Variants in MOV10 observed in about 807,000 individuals in gnomAD.
The protein encoded by MOV10 is RNA helicase MOV-10.
MOV10 carries 39 observed loss-of-function variants against 108.4 expected under a neutral mutation model. The observed-to-expected ratio is 0.36, with a 90% CI of 0.28 to 0.47. MOV10 has a LOEUF of 0.47. MOV10 is among the 20% of genes least tolerant of loss of function. The probability of loss-of-function intolerance (pLI) is 1.00; values close to 1 mark genes in which losing one functional copy is unlikely to be tolerated. For missense variants in MOV10, 952 were observed against 1,297.6 expected, an observed-to-expected ratio of 0.73 and a Z score of 4.09; for synonymous variants, 490 against 523.1, an observed-to-expected ratio of 0.94 and a Z score of 0.86.
intron 2 of MOV10, among the ~76,000 whole-genome samples, chr1:112,677,093 A>T (rs1672254132): frequency 6.6e-6 from 1 of 152,166 alleles, no homozygotes; most frequent in Non-Finnish European, 1.5e-5. Flanking sequence ...AGGGGATGTG[A>T]TGGAGAAGAT....
chr1:112,697,347 G>C (rs552140840), intron 14 of MOV10, among the ~76,000 whole-genome samples: 1 of 152,122 alleles, frequency 6.6e-6, no homozygotes, highest in African/African-American at 2.4e-5. Flanking sequence ...ACAGGCACCT[G>C]TAATTCCAGT....
chr1:112,675,866 C>T lies in MOV10; in HGVS notation c.137+817C>T, dbSNP rs1672163315. Among the ~76,000 whole-genome samples, 1 of 152,172 alleles carries T rather than the reference C, an allele frequency of 6.6e-6. No homozygotes were observed. The highest frequency in any genetic ancestry group is 1.9e-4 in the East Asian group (1 of 5,196). ...ACAAGGGTAAACGTAAAGACTTGTACAAATAAACATAAGGTAGTGGGAATC... is the reference window on the plus strand; with the variant it reads ...ACAAGGGTAAACGTAAAGACTTGTATAAATAAACATAAGGTAGTGGGAATC... On this transcript the variant is annotated intron_variant, in intron 2 of 20. Transcript: ENST00000369645. The surrounding 1 kb of genome is among the most constrained non-coding windows in gnomAD (Gnocchi z 4.7).
chr1:112,689,286 T>C (rs1277121464), intron 3 of MOV10, 129 bp from the exon 4 acceptor site: 7 of 1,207,180 alleles, frequency 5.8e-6, no homozygotes, highest in Admixed American at 4.1e-5. Context: ...ACTGGTCTGC[T>C]GGGAGGGGGT....
intron 2 of MOV10, among the ~76,000 whole-genome samples, chr1:112,681,219 C>A (rs1672624901): frequency 6.6e-6 from 1 of 151,990 alleles, no homozygotes; most frequent in Non-Finnish European, 1.5e-5. Flanking sequence ...TGGCCGGGCT[C>A]AGTGGCTCAA....
Position 112,694,289 on chromosome 1 carries a change from C to T in MOV10, c.1295+117C>T. 2 of 1,435,182 alleles carry T rather than the reference C, an allele frequency of 1.4e-6. No individual in the cohort carries two copies. Among genetic ancestry groups the T allele is most frequent in the Non-Finnish European group, 1.9e-6 (2 of 1,034,392 alleles). The allele number at this position is 1,435,182 out of a possible 1,614,324, so 88.9% of individuals were successfully genotyped here. A position where few individuals can be genotyped will look rare whatever the true frequency, so the allele number is the denominator to read the frequency against. ...CCCCGGGGCAGAGCAGGAGACTTTT[C>T]CTCAGGGGTACCCTGAGATGCTACG... is the stretch of plus-strand genomic sequence containing the variant. On this transcript the variant is annotated intron_variant, in intron 8 of 20. Transcript: ENST00000369645. This position sits in a 1 kb window ranked among gnomAD's most constrained non-coding sequence, Gnocchi z 4.1.
At chr1:112,697,973 T>C in intron 14 of MOV10, 21 bp from the exon 15 acceptor site, 1 of 1,605,514 alleles carries the variant, frequency 6.2e-7, no homozygotes, top group Non-Finnish European at 8.5e-7. Flanking sequence ...TGGTCTTGCT[T>C]TTCCTCCTCC....
chr1:112,674,952 G>A lies in MOV10; in HGVS notation c.40G>A (p.Gly14Ser). 1 of 1,584,014 alleles carries A rather than the reference G, an allele frequency of 6.3e-7. No homozygotes were observed. Among genetic ancestry groups the A allele is most frequent in the Non-Finnish European group, 8.6e-7 (1 of 1,166,130 alleles). Reference sequence around the variant, plus strand: ...CAGCTGCCGGCAGCTCCGGGAGGCGGGCCAGTGTTTCGAGAGTTTCCTGGT... The same window carrying A: ...CAGCTGCCGGCAGCTCCGGGAGGCGAGCCAGTGTTTCGAGAGTTTCCTGGT... ...KFSCRQLREA[G>S]QCFESFLVVR... The change falls in exon 2 of 21, where the codon GGC (glycine) becomes AGC (serine). Residue 14 changes from glycine (G) to serine (S), a missense_variant. Around this residue, in one of 5 missense-constraint regions of MOV10, gnomAD observed 374 missense variants for 468.6 expected, o/e 0.80. Transcript: ENST00000369645.
chr1:112,695,493 G>C lies in MOV10; in HGVS notation c.1698G>C (p.Arg566Ser). 5 of 1,614,202 alleles carry C rather than the reference G, an allele frequency of 3.1e-6. No homozygotes were observed. Among genetic ancestry groups the C allele is most frequent in the South Asian group, 1.1e-5 (1 of 91,088 alleles). ...CAGGGGCTGACCTACTCTGTCAAAG[G>C]CTCCGGGTCCACCTTCCTAGCTCCA... ...SNSGADLLCQ[R>S]LRVHLPSSIY... Residue 566 changes from arginine (R) to serine (S), a missense_variant, in exon 11 of 21, where the codon AGG becomes AGC. By Grantham distance (110) the Arg-to-Ser change is moderately radical. Coordinates refer to ENST00000369645, the MANE Select transcript of MOV10 (RefSeq NM_001321324.2).
rs536022443 is a variant in MOV10 at position 112,693,499 on chromosome 1, G to A, written c.1141-519G>A. On this transcript the variant is annotated intron_variant, in intron 7 of 20. Transcript: ENST00000369645. ...TCAAGTGATCCTCCCAAGTAGCTGG[G>A]ACCACAGACATGCCCCACTACGCCT... is the stretch of plus-strand genomic sequence containing the variant. Among the ~76,000 whole-genome samples, 31 of 152,154 alleles carry A rather than the reference G, an allele frequency of 2.0e-4. 1 individual carries two copies. The South Asian group carries it at 6.4e-3, about 32-fold the overall frequency.
intron 3 of MOV10, 92 bp downstream of exon 3, chr1:112,689,230 G>T: frequency 2.2e-6 from 3 of 1,354,880 alleles, no homozygotes; most frequent in Non-Finnish European, 3.1e-6. Flanking sequence ...GGTTACACAA[G>T]TGGGAATAAG....
rs1672082188 is a variant in MOV10, at chr1:112,675,134, G to A, written c.137+85G>A. On this transcript the variant is annotated intron_variant, in intron 2 of 20. Transcript: ENST00000369645. The surrounding 1 kb of genome is among the most constrained non-coding windows in gnomAD (Gnocchi z 4.7). ...GCGCGAGGGCCACCTTTCCCGCCCC[G>A]GGGCGCAGAGGGACGCAGCTCCCCC... 6.7e-7 allele frequency: 1 copy of A among 1,490,192 alleles called. No individual in the cohort carries two copies. Among genetic ancestry groups the A allele is most frequent in the Non-Finnish European group, 9.0e-7 (1 of 1,105,228 alleles). The allele number at this position is 1,490,192 out of a possible 1,614,324, so 92.3% of individuals were successfully genotyped here.
At position 112,674,887 on chromosome 1, in the gene MOV10, C is replaced by T. The variant is rs1454645579; in HGVS notation, c.-26C>T. The T allele has an allele frequency of 6.5e-7, 1 of 1,547,490 alleles. No individual in the cohort carries two copies. The highest frequency in any genetic ancestry group is 2.6e-5 in the East Asian group (1 of 38,436). ...TTCAGTTTCATTTCCACGGACCCTCCTGCCTGGGCCGCAGCCGCCGCCGCG... is the reference window on the plus strand; with the variant it reads ...TTCAGTTTCATTTCCACGGACCCTCTTGCCTGGGCCGCAGCCGCCGCCGCG... On this transcript the variant is annotated 5_prime_UTR_variant, in exon 2 of 21. Coordinates refer to ENST00000369645, the MANE Select transcript of MOV10 (RefSeq NM_001321324.2).
In MOV10 at chr1:112,696,268, G is replaced by C; in HGVS notation, c.1883+17G>C. 6.4e-7 allele frequency: 1 copy of C among 1,560,994 alleles called. No homozygotes were observed. Among genetic ancestry groups the C allele is most frequent in the Non-Finnish European group, 8.8e-7 (1 of 1,131,928 alleles). On this transcript the variant is annotated intron_variant, in intron 12 of 20. Coordinates refer to ENST00000369645, the MANE Select transcript of MOV10 (RefSeq NM_001321324.2). ...TGCCGGCAGGTGGGGAGTGTGTGTG[G>C]GTGTGTCTCTGAATCGTAAGTGTAA...
chr1:112,693,376 T>A (rs1673757095), intron 7 of MOV10, among the ~76,000 whole-genome samples: 1 of 152,124 alleles, frequency 6.6e-6, no homozygotes, highest in Admixed American at 6.5e-5. Context: ...AAGTTTTTTG[T>A]TGTTGTTGTT....
At position 112,689,463 on chromosome 1, in the gene MOV10, G is replaced by A. The variant is rs767062378; in HGVS notation, c.390G>A (p.Gly130=). The A allele has an allele frequency of 3.1e-6, 5 of 1,614,046 alleles. No homozygotes were observed. The highest frequency in any genetic ancestry group is 1.1e-5 in the South Asian group (1 of 91,076). ...GKHGVDVEVQ[G]PHEARDGQLL... ...ATGGTGTGGATGTGGAAGTCCAGGG[G>A]CCCCATGAAGCCCGAGATGGGCAGC... Residue 130 remains glycine (G), a synonymous_variant, in exon 4 of 21, where the codon GGG becomes GGA. Coordinates refer to ENST00000369645, the MANE Select transcript of MOV10 (RefSeq NM_001321324.2).
chr1:112,695,319 A>G (rs1673971169), intron 10 of MOV10, 97 bp from the exon 11 acceptor site: 5 of 1,273,340 alleles, frequency 3.9e-6, no homozygotes, highest in African/African-American at 1.5e-5. Context: ...TGGAGTCACC[A>G]TTCACATTTC....
rs756429434 is a variant in MOV10 at position 112,695,413 on chromosome 1, C to T, written c.1621-3C>T. 1.9e-6 allele frequency: 3 copies of T among 1,613,848 alleles called. No homozygotes were observed. Among genetic ancestry groups the T allele is most frequent in the Non-Finnish European group, 2.5e-6 (3 of 1,179,816 alleles). On this transcript the variant is annotated splice_polypyrimidine_tract_variant and splice_region_variant and intron_variant, in intron 10 of 20. Coordinates refer to ENST00000369645, the MANE Select transcript of MOV10 (RefSeq NM_001321324.2). ...TCCCACACTGCGCTTATCTGCATCT[C>T]AGGTGGTGAAGCACTTGCCCAAAGC...
At chr1:112,685,521 G>C (rs963875424) in intron 2 of MOV10, among the ~76,000 whole-genome samples, 1 of 151,834 alleles carries the variant, frequency 6.6e-6, no homozygotes, top group African/African-American at 2.4e-5. Flanking sequence ...TGGGTGTGGT[G>C]GCGTGCACCT....
chr1:112,687,131 T>G (rs1447371193), intron 2 of MOV10: 1 of 428,506 alleles, frequency 2.3e-6, no homozygotes, highest in East Asian at 7.1e-5. Context: ...CTCCTACTAC[T>G]ACTGCTACTA....
Sources: gnomAD v4.1 joint callset for allele counts (sites outside exome capture counted in the v4.1 genomes callset) on GRCh38, gnomAD v4.1.1 for gene constraint, gnomAD v4.1.1 regional missense constraint, Gnocchi (gnomAD v3.1) non-coding constraint, MANE v1.5 for transcripts, NCBI Gene and HGNC (gene_info 2026-07-23, HGNC 2026-07-21) for gene names.